Variants in PTCHD4 observed in about 807,000 individuals in gnomAD.
PTCHD4 encodes patched domain containing 4.
PTCHD4 carries 33 observed loss-of-function variants against 58.1 expected under a neutral mutation model. The observed-to-expected ratio is 0.57, with a 90% CI of 0.43 to 0.76. PTCHD4 has a LOEUF of 0.76. Among genes scored for constraint, PTCHD4 ranks in the 30% least tolerant of loss-of-function variants. PTCHD4 has a pLI of 0.00. For missense variants in PTCHD4, 1,058 were observed against 1,027.1 expected, an observed-to-expected ratio of 1.03 and a Z score of -0.41; for synonymous variants, 478 against 409.6, an observed-to-expected ratio of 1.17 and a Z score of -2.02.
intron 4 of PTCHD4, among the ~76,000 whole-genome samples, chr6:47,916,431 T>C (rs1161587409): frequency 6.6e-6 from 1 of 152,050 alleles, no homozygotes; most frequent in African/African-American, 2.4e-5. Flanking sequence ...TATTGAGGCT[T>C]CCAGCAGCAG....
rs182561680 is a variant in PTCHD4, at chr6:47,916,699, C to T, written c.899-36763G>A. 9.5e-4 allele frequency among the ~76,000 whole-genome samples: 144 copies of T among 151,852 alleles called. 1 individual carries two copies. Among genetic ancestry groups the T allele is most frequent in the Admixed American group, 3.0e-3 (46 of 15,228 alleles). Reference sequence around the variant, plus strand: ...CACATATACTCTAAGGTGTTAGAACCGGAGGAATATACCATGCTTCCTCCT... The same window carrying T: ...CACATATACTCTAAGGTGTTAGAACTGGAGGAATATACCATGCTTCCTCCT... On this transcript the variant is annotated intron_variant, in intron 4 of 4. Coordinates refer to ENST00000339488, the MANE Select transcript of PTCHD4 (RefSeq NM_001384253.1).
intron 1 of PTCHD4, among the ~76,000 whole-genome samples, chr6:48,104,348 A>G (rs1428769545): frequency 6.6e-6 from 1 of 152,214 alleles, no homozygotes; most frequent in Non-Finnish European, 1.5e-5. Flanking sequence ...TTCCAGCCAA[A>G]CTAAGCTTCA....
At chr6:48,058,918 A>T (rs1267859069) in intron 3 of PTCHD4, among the ~76,000 whole-genome samples, 1 of 152,188 alleles carries the variant, frequency 6.6e-6, no homozygotes, top group Non-Finnish European at 1.5e-5. Flanking sequence ...GACTACCAAA[A>T]ATAGGAGAGA....
chr6:48,098,805 G>C (rs1472486309), intron 1 of PTCHD4, among the ~76,000 whole-genome samples: 1 of 152,066 alleles, frequency 6.6e-6, no homozygotes, highest in African/African-American at 2.4e-5. Flanking sequence ...GTAGCTATGG[G>C]TAAAAGGAGA....
chr6:47,949,337 G>A (rs371909237), intron 4 of PTCHD4, among the ~76,000 whole-genome samples: 3 of 152,184 alleles, frequency 2.0e-5, no homozygotes, highest in African/African-American at 7.2e-5. Flanking sequence ...AACAGAGTAA[G>A]GGGAAAGCAT....
intron 4 of PTCHD4, among the ~76,000 whole-genome samples, chr6:47,964,776 C>T (rs1256025775): frequency 6.6e-6 from 1 of 152,136 alleles, no homozygotes; most frequent in Non-Finnish European, 1.5e-5. Flanking sequence ...TTCTGTTTAA[C>T]AGTGTATTTG....
chr6:48,052,266 A>G (rs1377696676), intron 3 of PTCHD4, among the ~76,000 whole-genome samples: 1 of 151,986 alleles, frequency 6.6e-6, no homozygotes, highest in Non-Finnish European at 1.5e-5. Flanking sequence ...AATGAGATCT[A>G]TGTGTGAGAG....
At chr6:48,008,414 T>C (rs1259939427) in intron 4 of PTCHD4, among the ~76,000 whole-genome samples, 1 of 152,088 alleles carries the variant, frequency 6.6e-6, no homozygotes, top group Non-Finnish European at 1.5e-5. Flanking sequence ...CTTAAAAACA[T>C]TTGACAGCAT....
chr6:47,936,595 A>G (rs1420286290), intron 4 of PTCHD4, among the ~76,000 whole-genome samples: 2 of 152,060 alleles, frequency 1.3e-5, no homozygotes, highest in African/African-American at 2.4e-5. Flanking sequence ...TCTTTTTCCT[A>G]TATCCCAGTG....
chr6:47,899,966 T>G (rs1488974148), intron 4 of PTCHD4: 5 of 152,234 alleles, frequency 3.3e-5, no homozygotes, highest in Non-Finnish European at 5.9e-5. Context: ...TCAGTACTTG[T>G]TTCCTTTTTA....
At chr6:47,969,781 G>C (rs943929165) in intron 4 of PTCHD4, among the ~76,000 whole-genome samples, 6 of 152,154 alleles carry the variant, frequency 3.9e-5, no homozygotes, top group Non-Finnish European at 7.4e-5. Context: ...TTCAATTACA[G>C]ATGGCAGAAT....
At chr6:47,883,017 AATAGATCT>A (rs1167086731) in intron 4 of PTCHD4, among the ~76,000 whole-genome samples, 1 of 151,772 alleles carries the variant, frequency 6.6e-6, no homozygotes, top group Non-Finnish European at 1.5e-5. Context: ...TGGGTCCAAA[AATAGATCT>A]TTTTATTACT....
intron 4 of PTCHD4, among the ~76,000 whole-genome samples, chr6:47,896,241 T>C (rs574029446): frequency 4.6e-5 from 7 of 152,294 alleles, no homozygotes; most frequent in African/African-American, 1.4e-4. Context: ...ATTGAGATGA[T>C]TTCTGTGACA....
chr6:47,974,589 A>G (rs1008081241), intron 4 of PTCHD4, among the ~76,000 whole-genome samples: 1 of 152,186 alleles, frequency 6.6e-6, no homozygotes, highest in African/African-American at 2.4e-5. Context: ...ATGTCTGTAG[A>G]ATTCCTCCTG....
chr6:47,992,422 G>A (rs1480267594), intron 4 of PTCHD4, among the ~76,000 whole-genome samples: 1 of 152,166 alleles, frequency 6.6e-6, no homozygotes, highest in Non-Finnish European at 1.5e-5. Flanking sequence ...CAAAAGATGA[G>A]GGAGGGAGTT....
intron 3 of PTCHD4, among the ~76,000 whole-genome samples, chr6:48,048,434 TA>T (rs1764115242): frequency 6.6e-6 from 1 of 151,960 alleles, no homozygotes; most frequent in African/African-American, 2.4e-5. Flanking sequence ...ATGAGAGACA[TA>T]TAACAGGCTG....
chr6:47,910,725 C>T (rs879714230), intron 4 of PTCHD4, among the ~76,000 whole-genome samples: 15 of 151,162 alleles, frequency 9.9e-5, no homozygotes, highest in African/African-American at 2.2e-4. Flanking sequence ...TTCCAAGAGA[C>T]GTGTAGTCTC....
intron 4 of PTCHD4, among the ~76,000 whole-genome samples, chr6:47,914,753 T>TATC (rs1479470117): frequency 3.5e-5 from 5 of 143,244 alleles, no homozygotes; most frequent in African/African-American, 5.5e-5. Flanking sequence ...ATTATCTATC[T>TATC]ATCTATCTAT....
chr6:47,942,310 G>C (rs910972467), intron 4 of PTCHD4, among the ~76,000 whole-genome samples: 7 of 152,182 alleles, frequency 4.6e-5, no homozygotes, highest in African/African-American at 1.7e-4. Context: ...TTTTGAAAAG[G>C]ATAGAACTCT....
Sources: gnomAD v4.1 joint callset for allele counts (sites outside exome capture counted in the v4.1 genomes callset) on GRCh38, gnomAD v4.1.1 for gene constraint, MANE v1.5 for transcripts, NCBI Gene and HGNC (gene_info 2026-07-23, HGNC 2026-07-21) for gene names.